The following ALDH1L1 variants were observed in gnomAD, a reference collection of about 807,000 sequenced individuals.
ALDH1L1 encodes the protein cytosolic 10-formyltetrahydrofolate dehydrogenase.
Under a neutral mutation model 101.1 loss-of-function variants are expected in ALDH1L1, and 68 were observed. The observed-to-expected ratio is 0.67, with a 90% CI of 0.55 to 0.82. The LOEUF (loss-of-function observed/expected upper bound fraction) is 0.82, where lower values mean the gene tolerates loss of function less well. Among genes scored for constraint, ALDH1L1 ranks in the 40% least tolerant of loss-of-function variants. The probability of loss-of-function intolerance (pLI) is 0.00; values close to 1 mark genes in which losing one functional copy is unlikely to be tolerated. For synonymous variants in ALDH1L1, 486 were observed against 470.8 expected (o/e 1.03, Z -0.42); for missense variants, 1,087 against 1,172.7 (o/e 0.93, Z 1.07).
intron 9 of ALDH1L1, among the ~76,000 whole-genome samples, chr3:126,138,958 T>A (rs1361288246): frequency 6.6e-6 from 1 of 152,208 alleles, no homozygotes; most frequent in East Asian, 1.9e-4. Flanking sequence ...TAAATGTCAA[T>A]CAATTTAAAT....
chr3:126,135,501 G>A, intron 12 of ALDH1L1, 34 bp downstream of exon 12: 2 of 1,593,872 alleles, frequency 1.3e-6, no homozygotes, highest in Non-Finnish European at 1.7e-6. Context: ...AGCTGATGGT[G>A]GCAGTGGCTG....
chr3:126,152,991 GCA>G, intron 7 of ALDH1L1: 1 of 273,184 alleles, frequency 3.7e-6, no homozygotes, highest in Non-Finnish European at 7.1e-6. Flanking sequence ...CAGGTGGCCG[GCA>G]TGGCTCCCAA....
chr3:126,135,255 G>T, intron 12 of ALDH1L1: 1 of 300,430 alleles, frequency 3.3e-6, no homozygotes, highest in Non-Finnish European at 6.2e-6. Flanking sequence ...CACTTTGGAA[G>T]CATCCCTTGG....
chr3:126,137,965 A>G lies in ALDH1L1; in HGVS notation c.1077-5T>C, dbSNP rs747417885. On this transcript the variant is annotated splice_region_variant and splice_polypyrimidine_tract_variant and intron_variant, in intron 9 of 22. Coordinates refer to ENST00000393434, the MANE Select transcript of ALDH1L1 (RefSeq NM_012190.4). ...TCCTTCACTTCCTCCACCAGCCTGG[A>G]GGAAGGAGATGGAAAGATGGGGACA... The G allele has an allele frequency of 8.4e-5, 136 of 1,613,798 alleles. No homozygotes were observed. The highest frequency in any genetic ancestry group is 1.1e-4 in the Non-Finnish European group (128 of 1,179,948).
chr3:126,170,989 A>G (rs1261787154), intron 1 of ALDH1L1, among the ~76,000 whole-genome samples: 1 of 151,988 alleles, frequency 6.6e-6, no homozygotes, highest in African/African-American at 2.4e-5. Context: ...CAGGGGCACT[A>G]AGACAGGAAA....
intron 9 of ALDH1L1, among the ~76,000 whole-genome samples, chr3:126,141,766 C>T (rs2080573199): frequency 6.6e-6 from 1 of 151,816 alleles, no homozygotes; most frequent in South Asian, 2.1e-4. Flanking sequence ...GTCCTCAAAT[C>T]AGTAACCTAC....
At chr3:126,113,228 G>A (rs1277859740) in intron 18 of ALDH1L1, among the ~76,000 whole-genome samples, 3 of 152,156 alleles carry the variant, frequency 2.0e-5, no homozygotes, top group Admixed American at 6.5e-5. Context: ...TCACTGGGGC[G>A]GCCCAGGAGG....
At chr3:126,197,300 A>T (rs1295392943) in intron 1 of ALDH1L1, among the ~76,000 whole-genome samples, 2 of 152,214 alleles carry the variant, frequency 1.3e-5, no homozygotes, top group Non-Finnish European at 2.9e-5. Flanking sequence ...GAAATTAAGG[A>T]TCCCATTTTT....
chr3:126,155,463 C>T lies in ALDH1L1; in HGVS notation c.569G>A (p.Arg190Lys). ...VRLIAEGKAP[R>K]LPQPEEGATY... is the part of the protein sequence containing the mutation. ...GGCTCCTTCCTCAGGCTGAGGGAGTCTGGGGGCTTTGCCCTCAGCGATCAG... is the reference window on the plus strand; with the variant it reads ...GGCTCCTTCCTCAGGCTGAGGGAGTTTGGGGGCTTTGCCCTCAGCGATCAG... Residue 190 changes from arginine (R) to lysine (K), a missense_variant, in exon 5 of 23, where the codon AGA becomes AAA. Coordinates refer to ENST00000393434, the MANE Select transcript of ALDH1L1 (RefSeq NM_012190.4). The T allele has an allele frequency of 6.2e-7, 1 of 1,613,300 alleles. No homozygotes were observed. The highest frequency in any genetic ancestry group is 1.1e-5 in the South Asian group (1 of 90,794).
chr3:126,106,008 C>T lies in ALDH1L1; in HGVS notation c.2454-83G>A, dbSNP rs1037556651. 7.3e-6 allele frequency: 10 copies of T among 1,370,228 alleles called. No homozygotes were observed. The East Asian group carries it at 1.4e-4, about 19-fold the overall frequency. The allele number at this position is 1,370,228 out of a possible 1,614,324, so 84.9% of individuals were successfully genotyped here. A position where few individuals can be genotyped will look rare whatever the true frequency, so the allele number is the denominator to read the frequency against. Reference sequence around the variant, plus strand: ...ACTCCACACCCCGGCCCACTCCACACCCCAGCTGCATAAGACCTTCCGAGG... The same window carrying T: ...ACTCCACACCCCGGCCCACTCCACATCCCAGCTGCATAAGACCTTCCGAGG... On this transcript the variant is annotated intron_variant, in intron 21 of 22. Transcript: ENST00000393434.
In ALDH1L1 at chr3:126,192,952, G is replaced by A. The variant is rs115100759; in HGVS notation, c.-24+4783C>T. On this transcript the variant is annotated intron_variant, in intron 1 of 2. Transcript: ENST00000509952. The stretch of plus-strand genomic sequence containing the variant: ...GTGACATACAGGAATCGGAGGTGAG[G>A]TACAGAACAGCTGAACTGGCTACAG... 4.3e-3 allele frequency among the ~76,000 whole-genome samples: 655 copies of A among 152,266 alleles called. 8 individuals carry two copies. The highest frequency in any genetic ancestry group is 0.015 in the African/African-American group (628 of 41,550).
In ALDH1L1 at chr3:126,103,660, A is replaced by C; in HGVS notation, c.*131T>G. ...ACTGGACAGAGGGCGTCCAAGATGCAGACATGGTGTGCAGGCAGGAGGGCT... is the reference window on the plus strand; with the variant it reads ...ACTGGACAGAGGGCGTCCAAGATGCCGACATGGTGTGCAGGCAGGAGGGCT... On this transcript the variant is annotated 3_prime_UTR_variant, in exon 23 of 23. Transcript: ENST00000393434. 1.1e-6 allele frequency: 1 copy of C among 931,082 alleles called. No homozygotes were observed. Among genetic ancestry groups the C allele is most frequent in the Admixed American group, 2.2e-5 (1 of 46,230 alleles). 57.7% of individuals were successfully genotyped at this position (931,082 alleles called of 1,614,324 possible). A position where few individuals can be genotyped will look rare whatever the true frequency, so the allele number is the denominator to read the frequency against.
intron 22 of ALDH1L1, 69 bp downstream of exon 22, chr3:126,105,657 T>G: frequency 6.4e-7 from 1 of 1,559,354 alleles, no homozygotes; most frequent in Non-Finnish European, 8.8e-7. Context: ...GACCTGGCCC[T>G]AAGTGGTTTT....
intron 12 of ALDH1L1, among the ~76,000 whole-genome samples, chr3:126,133,999 T>C (rs1307278084): frequency 1.3e-5 from 2 of 152,216 alleles, no homozygotes; most frequent in African/African-American, 4.8e-5. Flanking sequence ...TGTCTAACTC[T>C]CCCTCTGGAT....
chr3:126,147,606 C>T (rs899297779), intron 8 of ALDH1L1, among the ~76,000 whole-genome samples: 4 of 152,194 alleles, frequency 2.6e-5, no homozygotes, highest in Non-Finnish European at 5.9e-5. Context: ...GGGCAGGCTG[C>T]TGGTGAGGCC....
intron 21 of ALDH1L1, 82 bp from the exon 22 acceptor site, chr3:126,106,007 AC>A: frequency 7.3e-7 from 1 of 1,370,914 alleles, no homozygotes; most frequent in Non-Finnish European, 1.0e-6. Flanking sequence ...CCCACTCCAC[AC>A]CCCAGCTGCA....
rs572347566 is a variant in ALDH1L1 at position 126,157,116 on chromosome 3, C to A, written c.528+227G>T. Among the ~76,000 whole-genome samples, 7 of 152,214 alleles carry A rather than the reference C, an allele frequency of 4.6e-5. No homozygotes were observed. The East Asian group carries it at 1.4e-3, about 29-fold the overall frequency. On this transcript the variant is annotated intron_variant, in intron 4 of 22. Transcript: ENST00000393434. ...CCCAAAATGTCCCCTTTTTGCCAAA[C>A]GCTTTTTGAGCTGGGTTCTGTCCGT...
intron 4 of ALDH1L1, 63 bp from the exon 5 acceptor site, chr3:126,155,566 G>A (rs1286872804): frequency 6.9e-7 from 1 of 1,458,750 alleles, no homozygotes; most frequent in Admixed American, 2.0e-5. Flanking sequence ...CCAGCCCCAG[G>A]GCCCACATTG....
In ALDH1L1 at chr3:126,124,110, G is replaced by GACAC. The variant is rs3841921; in HGVS notation, c.1888+250_1888+253dup. Among the ~76,000 whole-genome samples the GACAC allele has an allele frequency of 3.1e-3, 463 of 148,884 alleles. 1 individual carries two copies. The highest frequency in any genetic ancestry group is 6.0e-3 in the East Asian group (30 of 5,026). ...TAACAAGTTTATTCCAGGGCGCGCG[G>GACAC]ACACACACACACACACACACACACA... On this transcript the variant is annotated intron_variant, in intron 16 of 22. Coordinates refer to ENST00000393434, the MANE Select transcript of ALDH1L1 (RefSeq NM_012190.4).
Sources: gnomAD v4.1 joint callset for allele counts (sites outside exome capture counted in the v4.1 genomes callset) on GRCh38, gnomAD v4.1.1 for gene constraint, MANE v1.5 for transcripts, NCBI Gene and HGNC (gene_info 2026-07-23, HGNC 2026-07-21) for gene names.